Variants in ABCB1 observed in about 807,000 individuals in gnomAD.
The protein encoded by ABCB1 is ATP-dependent translocase ABCB1.
A neutral mutation model predicts 142.0 loss-of-function variants in ABCB1; 69 were observed. That is an observed-to-expected ratio of 0.49 (90% confidence interval 0.40 to 0.59). ABCB1 has a LOEUF of 0.59. ABCB1 is among the 20% of genes least tolerant of loss of function. The pLI is 0.00. For missense variants in ABCB1, 1,326 were observed against 1,554.7 expected, an observed-to-expected ratio of 0.85 and a Z score of 2.47; for synonymous variants, 532 against 539.2, an observed-to-expected ratio of 0.99 and a Z score of 0.18.
intron 1 of ABCB1, among the ~76,000 whole-genome samples, chr7:87,611,757 G>A (rs1335669229): frequency 6.6e-6 from 1 of 152,038 alleles, no homozygotes; most frequent in East Asian, 1.9e-4. Flanking sequence ...TGCATCTGTT[G>A]CAAATAAAAT....
chr7:87,544,091 A>T (rs1343037549), intron 17 of ABCB1, 38 bp downstream of exon 17: 1 of 1,611,562 alleles, frequency 6.2e-7, no homozygotes, highest in East Asian at 2.2e-5. Flanking sequence ...TTCCATCAGG[A>T]TTCACAAGTA....
intron 1 of ABCB1, among the ~76,000 whole-genome samples, chr7:87,657,373 T>G (rs977477919): frequency 6.6e-6 from 1 of 152,096 alleles, no homozygotes; most frequent in Non-Finnish European, 1.5e-5. Flanking sequence ...AACAGAAAAC[T>G]TTTCAGCCGT....
chr7:87,517,998 T>G (rs1009970218), intron 23 of ABCB1, among the ~76,000 whole-genome samples: 1 of 152,246 alleles, frequency 6.6e-6, no homozygotes, highest in African/African-American at 2.4e-5. Context: ...AAAACTCCTT[T>G]GCTTCTTTGA....
At chr7:87,593,324 T>G (rs764106492) in intron 3 of ABCB1, among the ~76,000 whole-genome samples, 7 of 152,238 alleles carry the variant, frequency 4.6e-5, no homozygotes, top group Non-Finnish European at 5.9e-5. Context: ...TATTCTACTT[T>G]TGTGTTTCTG....
At chr7:87,511,492 A>G (rs10808071) in intron 25 of ABCB1, among the ~76,000 whole-genome samples, 29,816 of 152,182 alleles carry the variant, frequency 0.2, 3,075 homozygotes, top group African/African-American at 0.24. Flanking sequence ...ATTTACTGTG[A>G]AATAATAATT....
chr7:87,513,362 C>A (rs1361662023), intron 25 of ABCB1, among the ~76,000 whole-genome samples: 1 of 152,100 alleles, frequency 6.6e-6, no homozygotes, highest in Non-Finnish European at 1.5e-5. Context: ...GTAACTGATG[C>A]TGTCCATGTT....
intron 1 of ABCB1, among the ~76,000 whole-genome samples, chr7:87,648,921 C>A (rs1405871940): frequency 6.6e-6 from 1 of 151,890 alleles, no homozygotes; most frequent in Non-Finnish European, 1.5e-5. Context: ...CTAGATATAA[C>A]CTATATAAAC....
Position 87,515,248 on chromosome 7 carries a change from G to A in ABCB1, c.3265C>T (p.Pro1089Ser). The A allele has an allele frequency of 6.2e-7, 1 of 1,613,840 alleles. No homozygotes were observed. Among genetic ancestry groups the A allele is most frequent in the South Asian group, 1.1e-5 (1 of 91,062 alleles). ...GTGCTCACCACTTTCCCTGCCAAGG[G>A]GTCGTAGAACCGCTCCAGGAGCTGG... is the stretch of plus-strand genomic sequence containing the variant. ...VVQLLERFYD[P>S]LAGKVLLDGK... The change falls in exon 25 of 28, where the codon CCC becomes TCC. Residue 1089 changes from proline (P) to serine (S), a missense_variant. Coordinates refer to ENST00000622132, the MANE Select transcript of ABCB1 (RefSeq NM_001348946.2).
intron 14 of ABCB1, among the ~76,000 whole-genome samples, chr7:87,548,167 A>G (rs1349249194): frequency 2.9e-3 from 43 of 15,044 alleles, no homozygotes; most frequent in African/African-American, 9.4e-3. Flanking sequence ...AAGGGGAGGG[A>G]AAGGAAGGGA....
In ABCB1 at chr7:87,549,486, G is replaced by A. The variant is rs747609531; in HGVS notation, c.1587C>T (p.Ala529=). 6.2e-7 allele frequency: 1 copy of A among 1,614,040 alleles called. No individual in the cohort carries two copies. The highest frequency in any genetic ancestry group is 1.7e-5 in the Admixed American group (1 of 59,998). ...TCTGCTTCTGCCCACCACTCAACTG[G>A]GCCCCTCTCTCTCCAACCAGGGTGT... The part of the protein sequence containing the change: ...KFDTLVGERG[A]QLSGGQKQRI... Residue 529 remains alanine, a synonymous_variant, in exon 14 of 28, where the codon GCC becomes GCT. Transcript: ENST00000622132.
At chr7:87,563,425 G>T in intron 7 of ABCB1, 3 of 452,468 alleles carry the variant, frequency 6.6e-6, no homozygotes, top group Non-Finnish European at 1.3e-5. Flanking sequence ...GCAAAATCCT[G>T]GCAAACTGAA....
intron 3 of ABCB1, among the ~76,000 whole-genome samples, chr7:87,592,638 A>G (rs930858376): frequency 6.6e-6 from 1 of 152,252 alleles, no homozygotes; most frequent in African/African-American, 2.4e-5. Context: ...CCTGCTTAGT[A>G]GCTATGTGAC....
chr7:87,550,267 C>T lies in ABCB1; in HGVS notation c.1254G>A (p.Gln418=). The T allele has an allele frequency of 5.0e-6, 8 of 1,614,204 alleles. No individual in the cohort carries two copies. The highest frequency in any genetic ancestry group is 5.9e-6 in the Non-Finnish European group (7 of 1,180,036). ...KILKGLNLKV[Q]SGQTVALVGN... is the part of the protein sequence containing the mutation. ...CAACCAGGGCCACCGTCTGCCCACT[C>T]TGCACCTTCAGGTTCAGACCCTTCA... is the stretch of plus-strand genomic sequence containing the variant. The change falls in exon 12 of 28, where the codon CAG becomes CAA. Residue 418 remains glutamine, a synonymous_variant. Coordinates refer to ENST00000622132, the MANE Select transcript of ABCB1 (RefSeq NM_001348946.2).
At chr7:87,559,956 GT>G in intron 8 of ABCB1, among the ~76,000 whole-genome samples, 1 of 152,150 alleles carries the variant, frequency 6.6e-6, no homozygotes, top group South Asian at 2.1e-4. Context: ...ACTTCATTAT[GT>G]CTCTGCTCAA....
intron 1 of ABCB1, among the ~76,000 whole-genome samples, chr7:87,694,720 C>T (rs1189823548): frequency 1.3e-5 from 2 of 152,034 alleles, no homozygotes; most frequent in African/African-American, 4.8e-5. Context: ...TTCATTCCAC[C>T]AGTACTTTAA....
At chr7:87,604,062 A>G (rs1254889883), upstream of ABCB1, among the ~76,000 whole-genome samples, 2 of 152,174 alleles carry the variant, frequency 1.3e-5, no homozygotes, top group East Asian at 1.9e-4. Context: ...TTGACCTATT[A>G]TTCTCATATC....
chr7:87,705,392 C>T (rs1286513519), intron 1 of ABCB1, among the ~76,000 whole-genome samples: 1 of 152,192 alleles, frequency 6.6e-6, no homozygotes, highest in Non-Finnish European at 1.5e-5. Flanking sequence ...TGCCATTGCA[C>T]TGCAGCCTGG....
chr7:87,710,482 T>G (rs1056888720), intron 1 of ABCB1: 2 of 723,776 alleles, frequency 2.8e-6, no homozygotes, highest in African/African-American at 3.7e-5. Context: ...GAATGGCTGT[T>G]CTTTACATAT....
intron 1 of ABCB1, among the ~76,000 whole-genome samples, chr7:87,693,670 C>A (rs545243307): frequency 6.6e-6 from 1 of 152,156 alleles, no homozygotes; most frequent in Non-Finnish European, 1.5e-5. Context: ...ATATTTTTGA[C>A]TTACAGACAC....
Sources: allele counts gnomAD v4.1 joint callset (sites outside exome capture counted in the v4.1 genomes callset), GRCh38; gene constraint gnomAD v4.1.1; transcripts MANE v1.5; gene names NCBI Gene and HGNC (gene_info 2026-07-23, HGNC 2026-07-21).